The following DST variants were observed in gnomAD, a reference collection of about 807,000 sequenced individuals.
The protein encoded by DST is bullous pemphigoid antigen.
A neutral mutation model predicts 875.2 loss-of-function variants in DST; 253 were observed. The ratio of observed to expected loss-of-function variants is 0.29; its 90% CI spans 0.26 to 0.32. DST has a LOEUF of 0.32. Ranked by LOEUF, DST falls within the 10% of genes least tolerant of loss-of-function variation. The probability of loss-of-function intolerance (pLI) is 1.00; values close to 1 mark genes in which losing one functional copy is unlikely to be tolerated. For synonymous variants in DST, 3,124 were observed against 3,197.1 expected, an observed-to-expected ratio of 0.98 and a Z score of 0.77; for missense variants, 8,287 against 9,111.6, an observed-to-expected ratio of 0.91 and a Z score of 3.68.
intron 9 of DST, among the ~76,000 whole-genome samples, chr6:56,673,346 CT>C (rs2152831949): frequency 6.6e-6 from 1 of 152,230 alleles, no homozygotes; most frequent in East Asian, 1.9e-4. Flanking sequence ...ATAAAATCAA[CT>C]GTTTTGGGGA....
Position 56,597,873 on chromosome 6 carries a change from T to C in DST, c.12062A>G (p.His4021Arg), listed in dbSNP as rs1373872550. ...HKQVIEQNGTHFQEGDGKSAI... is the reference protein window; with the variant it reads ...HKQVIEQNGTRFQEGDGKSAI... ...TGACTTGCCATCACCTTCTTGAAAA[T>C]GGGTCCCGTTCTGTTCGATTACCTG... The change falls in exon 47 of 104, where the codon CAT becomes CGT. Residue 4021 changes from histidine (H) to arginine (R), a missense_variant. Transcript: ENST00000680361. 6.2e-7 allele frequency: 1 copy of C among 1,613,812 alleles called. No individual in the cohort carries two copies. Among genetic ancestry groups the C allele is most frequent in the Non-Finnish European group, 8.5e-7 (1 of 1,179,860 alleles).
chr6:56,618,409 G>T lies in DST; in HGVS notation c.4930-3925C>A, dbSNP rs775674908. ...TCTCAAAATCTGGTTTGAAGGTACA[G>T]TCTTTGGCTGTGCTCTTTTTTTGAA... On this transcript the variant is annotated intron_variant, in intron 36 of 103. Coordinates refer to ENST00000680361, the MANE Select transcript of DST (RefSeq NM_001374736.1). The T allele has an allele frequency of 1.9e-6, 3 of 1,614,182 alleles. No homozygotes were observed. The East Asian group carries it at 6.7e-5, about 36-fold the overall frequency.
chr6:56,557,797 A>C (rs1395542947), intron 58 of DST, among the ~76,000 whole-genome samples: 3 of 152,154 alleles, frequency 2.0e-5, no homozygotes, highest in Non-Finnish European at 4.4e-5. Context: ...GGGATCTCTC[A>C]TTCCTTCTAT....
At chr6:56,880,813 C>T (rs2127634739) in intron 3 of DST, among the ~76,000 whole-genome samples, 1 of 148,842 alleles carries the variant, frequency 6.7e-6, no homozygotes, top group African/African-American at 2.5e-5. Flanking sequence ...AATATAGTCC[C>T]TAGTAATATA....
chr6:56,764,007 T>A (rs963121781), intron 4 of DST, among the ~76,000 whole-genome samples: 1 of 151,778 alleles, frequency 6.6e-6, no homozygotes, highest in Admixed American at 6.6e-5. Context: ...GTCCAATAAT[T>A]AAGTATAGTA....
chr6:56,666,679 G>A (rs889859195), intron 10 of DST, among the ~76,000 whole-genome samples: 1 of 149,968 alleles, frequency 6.7e-6, no homozygotes, highest in African/African-American at 2.4e-5. Flanking sequence ...TCCAAATACA[G>A]CACAAAACTT....
intron 5 of DST, among the ~76,000 whole-genome samples, chr6:56,723,875 A>G (rs571057939): frequency 1.3e-5 from 2 of 152,270 alleles, no homozygotes; most frequent in African/African-American, 2.4e-5. Context: ...CTACTTTCCA[A>G]TCTCTTTGGC....
intron 55 of DST, 68 bp from the exon 56 acceptor site, chr6:56,562,268 A>C (rs2097547264): frequency 8.9e-7 from 1 of 1,127,410 alleles, no homozygotes; most frequent in Admixed American, 2.5e-5. Context: ...AGTAGATGGC[A>C]TTAAATCAAA....
intron 2 of DST, among the ~76,000 whole-genome samples, chr6:56,952,325 A>T (rs1302449367): frequency 6.6e-6 from 1 of 152,204 alleles, no homozygotes; most frequent in Non-Finnish European, 1.5e-5. Flanking sequence ...AAACAGGATT[A>T]TTATTCTTGT....
At chr6:56,615,028 G>A (rs750889755) in intron 36 of DST, 39 of 1,003,980 alleles carry the variant, frequency 3.9e-5, no homozygotes, top group Non-Finnish European at 4.2e-5. Flanking sequence ...ACTATATACA[G>A]AAAAAGGCAA....
At chr6:56,767,923 G>C (rs1048241248) in intron 4 of DST, among the ~76,000 whole-genome samples, 22 of 152,114 alleles carry the variant, frequency 1.4e-4, no homozygotes, top group Admixed American at 6.6e-5. Flanking sequence ...GATATGCCTG[G>C]TGTACTCAAA....
At chr6:56,509,180 T>C (rs2096410786) in intron 74 of DST, among the ~76,000 whole-genome samples, 3 of 152,210 alleles carry the variant, frequency 2.0e-5, no homozygotes, top group Non-Finnish European at 1.5e-5. Flanking sequence ...GTACTCTCAT[T>C]GTGAATTTCC....
chr6:56,474,977 A>AG (rs1478705881), intron 92 of DST, among the ~76,000 whole-genome samples: 2 of 151,222 alleles, frequency 1.3e-5, no homozygotes, highest in East Asian at 3.8e-4. Flanking sequence ...AAAAAAAAAA[A>AG]AAAAAAAAAG....
At chr6:56,528,359 G>C (rs1011559573) in intron 67 of DST, among the ~76,000 whole-genome samples, 4 of 152,156 alleles carry the variant, frequency 2.6e-5, no homozygotes, top group Admixed American at 1.3e-4. Context: ...ACTAAAACTA[G>C]TTTCCCTGAG....
chr6:56,603,558 T>C lies in DST; in HGVS notation c.10941+6A>G. ...CATCCATAAAGAGGCAGTAGACAAT[T>C]CTTACCTCCAACTGTCTAAGTTGAT... On this transcript the variant is annotated splice_donor_region_variant and intron_variant, in intron 41 of 103. Coordinates refer to ENST00000680361, the MANE Select transcript of DST (RefSeq NM_001374736.1). The C allele has an allele frequency of 2.5e-6, 4 of 1,603,754 alleles. No homozygotes were observed. Among genetic ancestry groups the C allele is most frequent in the Non-Finnish European group, 3.4e-6 (4 of 1,176,248 alleles).
At chr6:56,700,981 C>T (rs1433090566) in intron 8 of DST, among the ~76,000 whole-genome samples, 16 of 128,488 alleles carry the variant, frequency 1.2e-4, no homozygotes, top group African/African-American at 1.5e-4. Context: ...TTTCTCTTGC[C>T]TTTTTTTTTT....
intron 15 of DST, chr6:56,643,068 T>C (rs1253469945): frequency 1.5e-5 from 8 of 533,234 alleles, no homozygotes; most frequent in African/African-American, 1.9e-5. Context: ...AGCAGGCAGA[T>C]TGGGCGTCAC....
At chr6:56,476,034 A>G in intron 92 of DST, 115 bp downstream of exon 92, 1 of 889,420 alleles carries the variant, frequency 1.1e-6, no homozygotes, top group Non-Finnish European at 1.7e-6. Flanking sequence ...GGAGCTGAGG[A>G]GTCTGAAGAA....
chr6:56,700,980 C>CTTTT, intron 8 of DST, among the ~76,000 whole-genome samples: 1 of 130,160 alleles, frequency 7.7e-6, no homozygotes, highest in Non-Finnish European at 1.7e-5. Flanking sequence ...TTTTCTCTTG[C>CTTTT]CTTTTTTTTT....
Sources: gnomAD v4.1 joint callset for allele counts (sites outside exome capture counted in the v4.1 genomes callset) on GRCh38, gnomAD v4.1.1 for gene constraint, MANE v1.5 for transcripts, NCBI Gene and HGNC (gene_info 2026-07-23, HGNC 2026-07-21) for gene names.